The following INTS4 variants were observed in gnomAD, a reference collection of about 807,000 sequenced individuals.
INTS4 encodes MSTP093.
INTS4 carries 70 observed loss-of-function variants against 119.5 expected under a neutral mutation model. That is an observed-to-expected ratio of 0.59 (90% CI 0.48 to 0.71). The LOEUF (loss-of-function observed/expected upper bound fraction) is 0.71, where lower values mean the gene tolerates loss of function less well. Among genes scored for constraint, INTS4 ranks in the 30% least tolerant of loss-of-function variants. The probability of loss-of-function intolerance (pLI) is 0.00; values close to 1 mark genes in which losing one functional copy is unlikely to be tolerated. For missense variants in INTS4, 867 were observed against 1,173.2 expected, an observed-to-expected ratio of 0.74 and a Z score of 3.81; for synonymous variants, 316 against 419.6, an observed-to-expected ratio of 0.75 and a Z score of 3.02.
intron 12 of INTS4, among the ~76,000 whole-genome samples, chr11:77,923,317 A>AT (rs1953411021): frequency 1.6e-5 from 1 of 63,790 alleles, no homozygotes; most frequent in Non-Finnish European, 3.2e-5. Context: ...CTCTGTCTCA[A>AT]AAAAAAAAAA....
At chr11:77,968,511 T>C (rs528096017) in intron 4 of INTS4, among the ~76,000 whole-genome samples, 15 of 152,296 alleles carry the variant, frequency 9.8e-5, no homozygotes, top group African/African-American at 2.9e-4. Flanking sequence ...TGGGGAGTTA[T>C]TGTTTAATGG....
rs952646508 is a variant in INTS4, at chr11:77,888,569, G to A, written c.2592+2750C>T. ...CAATGGCAACAAAGGCCAAAATTGA[G>A]AAATGGGATCTAATTAAACTAAAGA... On this transcript the variant is annotated intron_variant, in intron 21 of 22. Transcript: ENST00000534064. Among the ~76,000 whole-genome samples, 219 of 152,234 alleles carry A rather than the reference G, an allele frequency of 1.4e-3. 1 individual carries two copies. The highest frequency in any genetic ancestry group is 2.4e-3 in the Non-Finnish European group (166 of 68,014).
chr11:77,954,040 T>G (rs1458383708), intron 8 of INTS4, among the ~76,000 whole-genome samples: 2 of 151,460 alleles, frequency 1.3e-5, no homozygotes, highest in South Asian at 4.2e-4. Context: ...TCTCGATCTC[T>G]TGACCTCGTG....
chr11:77,928,557 A>C lies in INTS4; in HGVS notation c.1166-10T>G. ...GCAGCAATACGAACCTCTAGAAAAA[A>C]GAACAAATGAAATTGCACATCAGGC... On this transcript the variant is annotated splice_polypyrimidine_tract_variant and intron_variant, in intron 10 of 22. Transcript: ENST00000534064. The C allele has an allele frequency of 6.4e-7, 1 of 1,554,882 alleles. No homozygotes were observed. The highest frequency in any genetic ancestry group is 8.7e-7 in the Non-Finnish European group (1 of 1,148,536).
At position 77,949,363 on chromosome 11, in the gene INTS4, G is replaced by C. The variant is rs1164296991; in HGVS notation, c.918+6579C>G. Among the ~76,000 whole-genome samples, 5 of 152,024 alleles carry C rather than the reference G, an allele frequency of 3.3e-5. No individual in the cohort carries two copies. The East Asian group carries it at 7.7e-4, about 23-fold the overall frequency. ...GCAATGGCAACGAAGCCAAAATTGA[G>C]AAATGGGATCTAATTAAACTAAAGA... On this transcript the variant is annotated intron_variant, in intron 8 of 22. Transcript: ENST00000534064.
At chr11:77,887,897 CA>C (rs1315738830) in intron 21 of INTS4, among the ~76,000 whole-genome samples, 1 of 152,182 alleles carries the variant, frequency 6.6e-6, no homozygotes, top group African/African-American at 2.4e-5. Flanking sequence ...AGGAGAACTA[CA>C]AACCACTGCT....
chr11:77,972,502 C>T (rs1202382859), intron 4 of INTS4, among the ~76,000 whole-genome samples: 3 of 151,780 alleles, frequency 2.0e-5, no homozygotes, highest in African/African-American at 7.3e-5. Flanking sequence ...CTGCAACCTC[C>T]GCCTCCCAGG....
intron 15 of INTS4, among the ~76,000 whole-genome samples, chr11:77,909,216 G>C (rs1292590279): frequency 6.6e-6 from 1 of 152,224 alleles, no homozygotes; most frequent in Non-Finnish European, 1.5e-5. Flanking sequence ...AAGAGAAATA[G>C]AGAAACTAGG....
intron 7 of INTS4, among the ~76,000 whole-genome samples, chr11:77,956,643 G>A (rs1954328991): frequency 1.3e-5 from 2 of 151,384 alleles, no homozygotes; most frequent in Non-Finnish European, 2.9e-5. Flanking sequence ...GAATGTGGAG[G>A]TTGCAGTGAT....
At chr11:77,969,539 A>T (rs1331421050) in intron 4 of INTS4, among the ~76,000 whole-genome samples, 1 of 151,986 alleles carries the variant, frequency 6.6e-6, no homozygotes, top group Middle Eastern at 3.2e-3. Context: ...GCACCATCAC[A>T]CCTGCTAGTT....
intron 21 of INTS4, among the ~76,000 whole-genome samples, chr11:77,887,783 C>T (rs1302001339): frequency 6.6e-6 from 1 of 152,146 alleles, no homozygotes; most frequent in Non-Finnish European, 1.5e-5. Context: ...CAATAACAGA[C>T]AAACAGAGAG....
intron 4 of INTS4, among the ~76,000 whole-genome samples, chr11:77,977,424 T>C (rs1481075798): frequency 3.1e-4 from 47 of 151,084 alleles, no homozygotes; most frequent in Non-Finnish European, 3.0e-5. Context: ...CACACAGCCA[T>C]TACAAATTAT....
intron 22 of INTS4, among the ~76,000 whole-genome samples, chr11:77,883,381 T>G (rs1951868803): frequency 6.6e-6 from 1 of 152,108 alleles, no homozygotes; most frequent in Non-Finnish European, 1.5e-5. Flanking sequence ...AATTCAGACA[T>G]AAGTTGGCAA....
chr11:77,923,413 C>G (rs950019955), intron 12 of INTS4, among the ~76,000 whole-genome samples: 2 of 151,520 alleles, frequency 1.3e-5, no homozygotes, highest in Non-Finnish European at 2.9e-5. Flanking sequence ...AACCTTCTGA[C>G]CACTTGTTAT....
At chr11:77,970,856 G>C (rs1431644525) in intron 4 of INTS4, among the ~76,000 whole-genome samples, 2 of 152,046 alleles carry the variant, frequency 1.3e-5, no homozygotes, top group African/African-American at 2.4e-5. Context: ...TTGTCACCCA[G>C]GCTGGAATGC....
intron 3 of INTS4, among the ~76,000 whole-genome samples, chr11:77,980,935 G>GT (rs1856184138): frequency 6.6e-6 from 1 of 152,020 alleles, no homozygotes; most frequent in East Asian, 1.9e-4. Flanking sequence ...AGAGCTTGCA[G>GT]TGAGCCGAGA....
At chr11:77,917,912 G>A (rs1331827549) in intron 15 of INTS4, 3 of 594,812 alleles carry the variant, frequency 5.0e-6, no homozygotes, top group Admixed American at 2.6e-5. Flanking sequence ...GCATGTCCTC[G>A]CTCCTTGAAG....
rs535081971 is a variant in INTS4 at position 77,981,543 on chromosome 11, A to T, written c.280T>A (p.Ser94Thr). The part of the protein sequence containing the change: ...NDPSVRLKIA[S>T]LLGLLSKTAG... ...GTCTTTGATAATAAACCCAACAATG[A>T]TGCAATTTTCAGTCTCACAGATGGA... The change falls in exon 3 of 23, where the codon TCA (serine) becomes ACA (threonine). Residue 94 changes from serine to threonine, a missense_variant. Physicochemically the swap from Ser to Thr is moderately conservative, Grantham distance 58. Around this residue, in one of 5 missense-constraint regions of INTS4, gnomAD observed 224 missense variants for 231.8 expected, o/e 0.97. Coordinates refer to ENST00000534064, the MANE Select transcript of INTS4 (RefSeq NM_033547.4). 21 of 1,587,190 alleles carry T rather than the reference A, an allele frequency of 1.3e-5. No individual in the cohort carries two copies. In the South Asian group the frequency reaches 2.4e-4, roughly 18 times the overall value.
chr11:77,938,712 C>T lies in INTS4; in HGVS notation c.1104G>A (p.Val368=). The T allele has an allele frequency of 6.2e-7, 1 of 1,612,010 alleles. No individual in the cohort carries two copies. Among genetic ancestry groups the T allele is most frequent in the Non-Finnish European group, 8.5e-7 (1 of 1,179,848 alleles). The change falls in exon 10 of 23, where the codon GTG becomes GTA. Residue 368 remains valine, a synonymous_variant. Coordinates refer to ENST00000534064, the MANE Select transcript of INTS4 (RefSeq NM_033547.4). ...CACAAGCTCCTGACTCAATCAAGTTCACAGCCCCGGTATCTACTTCTTCCT... is the reference window on the plus strand; with the variant it reads ...CACAAGCTCCTGACTCAATCAAGTTTACAGCCCCGGTATCTACTTCTTCCT... The part of the protein sequence containing the change: ...APKEEVDTGA[V]NLIESGACGA...
Sources: allele counts gnomAD v4.1 joint callset (sites outside exome capture counted in the v4.1 genomes callset), GRCh38; gene constraint gnomAD v4.1.1; regional missense constraint gnomAD v4.1.1; transcripts MANE v1.5; gene names NCBI Gene and HGNC (gene_info 2026-07-23, HGNC 2026-07-21).